SAMD5: variants seen among roughly 807,000 people sequenced by gnomAD.
The protein encoded by SAMD5 is sterile alpha motif domain-containing protein 5.
A neutral mutation model predicts 11.3 loss-of-function variants in SAMD5; 13 were observed. The ratio of observed to expected loss-of-function variants is 1.15; its 90% confidence interval spans 0.75 to 1.83. The LOEUF (loss-of-function observed/expected upper bound fraction) is 1.83, where lower values mean the gene tolerates loss of function less well. SAMD5 is among the 40% of genes most tolerant of loss of function. The pLI, the probability that SAMD5 is intolerant of heterozygous loss-of-function variation, is 0.00. For synonymous variants in SAMD5, 129 were observed against 111.3 expected (o/e 1.16, Z -1.00); for missense variants, 255 against 239.1 (o/e 1.07, Z -0.44).
chr6:147,928,225 A>G, the SAMD5 span, among the ~76,000 whole-genome samples: 1 of 152,142 alleles, frequency 6.6e-6, no homozygotes, highest in African/African-American at 2.4e-5. Context: ...AAATAGTTTC[A>G]GTATTAATGG....
intron 1 of SAMD5, among the ~76,000 whole-genome samples, chr6:147,597,228 C>T (rs1789545368): frequency 6.6e-6 from 1 of 152,158 alleles, no homozygotes; most frequent in Non-Finnish European, 1.5e-5. Flanking sequence ...ATTAAATTCT[C>T]TCCTAAGAGT....
chr6:147,856,376 C>T, the SAMD5 span, among the ~76,000 whole-genome samples: 1 of 152,062 alleles, frequency 6.6e-6, no homozygotes, highest in African/African-American at 2.4e-5. Flanking sequence ...AATTGTGGCA[C>T]TAATTTCATG....
intron 1 of SAMD5, among the ~76,000 whole-genome samples, chr6:147,548,547 T>C (rs1788720534): frequency 6.6e-6 from 1 of 152,246 alleles, no homozygotes; most frequent in Non-Finnish European, 1.5e-5. Context: ...AATTCGTTTG[T>C]GATTCTGAGA....
the SAMD5 span, among the ~76,000 whole-genome samples, chr6:147,937,885 T>C: frequency 3.3e-5 from 5 of 152,198 alleles, no homozygotes; most frequent in African/African-American, 7.2e-5. Flanking sequence ...ATCACACACA[T>C]ATATATATAC....
Position 147,711,771 on chromosome 6 carries a change from T to G in SAMD5, c.163-25546T>G, listed in dbSNP as rs1464699007. ...AAATATGTTTGTGTTGTGAGTTCCT[T>G]ACATCATGGAGTGTCATGTGCGTAA... On this transcript the variant is annotated intron_variant, in intron 1 of 1. Coordinates refer to the SAMD5 transcript ENST00000566741. The surrounding 1 kb of genome is among the most constrained non-coding windows in gnomAD (Gnocchi z 4.1). Among the ~76,000 whole-genome samples the G allele has an allele frequency of 1.3e-5, 2 of 152,216 alleles. No homozygotes were observed. The highest frequency in any genetic ancestry group is 4.8e-5 in the African/African-American group (2 of 41,448).
At chr6:147,948,363 T>C in the SAMD5 span, among the ~76,000 whole-genome samples, 1 of 152,162 alleles carries the variant, frequency 6.6e-6, no homozygotes, top group Non-Finnish European at 1.5e-5. Flanking sequence ...TTGTTTCTTA[T>C]AATAGTGGAC....
chr6:147,869,693 AATT>A, the SAMD5 span, among the ~76,000 whole-genome samples: 1 of 151,822 alleles, frequency 6.6e-6, no homozygotes, highest in Non-Finnish European at 1.5e-5. Context: ...TAATCAATAT[AATT>A]ATTATTATTA....
chr6:147,596,673 A>G (rs1164853609), intron 1 of SAMD5, among the ~76,000 whole-genome samples: 1 of 152,246 alleles, frequency 6.6e-6, no homozygotes, highest in Non-Finnish European at 1.5e-5. Flanking sequence ...AATGATAAAC[A>G]TCACTTAGAT....
intron 1 of SAMD5, among the ~76,000 whole-genome samples, chr6:147,557,142 T>C (rs939400418): frequency 4.6e-5 from 7 of 152,324 alleles, no homozygotes; most frequent in Admixed American, 2.0e-4. Flanking sequence ...ATTTATTGAA[T>C]AGGAAGAAGT....
At chr6:147,636,008 A>G (rs919395470) in intron 1 of SAMD5, among the ~76,000 whole-genome samples, 1 of 152,224 alleles carries the variant, frequency 6.6e-6, no homozygotes, top group Non-Finnish European at 1.5e-5. Flanking sequence ...TTCATTTAGC[A>G]GTTGATTCAA....
At chr6:147,835,077 C>T in the SAMD5 span, among the ~76,000 whole-genome samples, 2 of 151,644 alleles carry the variant, frequency 1.3e-5, no homozygotes, top group Non-Finnish European at 1.5e-5. Flanking sequence ...CTAAAAAATA[C>T]AAAAAATTAG....
chr6:147,509,563 T>C (rs1338472623), intron 1 of SAMD5, among the ~76,000 whole-genome samples, 176 bp downstream of exon 1: 2 of 152,128 alleles, frequency 1.3e-5, no homozygotes, highest in Non-Finnish European at 2.9e-5. Context: ...TCGTCCTTCC[T>C]GGTGTCTCCA....
rs1168153256 is a variant in SAMD5, at chr6:147,608,064, A to G, written c.162+98677A>G. 4.6e-5 allele frequency among the ~76,000 whole-genome samples: 7 copies of G among 152,248 alleles called. No homozygotes were observed. In the South Asian group the frequency reaches 1.4e-3, roughly 32 times the overall value. On this transcript the variant is annotated intron_variant, in intron 1 of 1. Coordinates refer to the SAMD5 transcript ENST00000566741. ...CTTAACATCACTGATCATCAGAGAA[A>G]TGCAAATCAAAACTATAATGAGATA...
At chr6:147,655,751 A>AC (rs1349629166) in intron 1 of SAMD5, among the ~76,000 whole-genome samples, 1 of 152,224 alleles carries the variant, frequency 6.6e-6, no homozygotes, top group Non-Finnish European at 1.5e-5. Context: ...TTCTAGTTAC[A>AC]AAGCTGTTTT....
chr6:147,857,564 T>G, the SAMD5 span, among the ~76,000 whole-genome samples: 1 of 151,884 alleles, frequency 6.6e-6, no homozygotes, highest in East Asian at 1.9e-4. Context: ...GTGCATTTTA[T>G]GCATTAAATT....
At chr6:147,762,897 T>A in the SAMD5 span, among the ~76,000 whole-genome samples, 5 of 152,212 alleles carry the variant, frequency 3.3e-5, no homozygotes, top group East Asian at 3.9e-4. Context: ...GCAGTTTTTT[T>A]ATAAACTATT....
chr6:147,674,648 T>C (rs1790839252), intron 1 of SAMD5, among the ~76,000 whole-genome samples: 1 of 152,194 alleles, frequency 6.6e-6, no homozygotes, highest in African/African-American at 2.4e-5. Flanking sequence ...TTGGAGTGGA[T>C]TGGAGTGGAT....
chr6:147,630,255 T>C (rs1376323240), intron 1 of SAMD5, among the ~76,000 whole-genome samples: 1 of 152,096 alleles, frequency 6.6e-6, no homozygotes, highest in African/African-American at 2.4e-5. Context: ...AGCCAGGTTT[T>C]CTTAAGAGGA....
intron 1 of SAMD5, among the ~76,000 whole-genome samples, chr6:147,591,164 C>A (rs1789448109): frequency 6.6e-6 from 1 of 150,606 alleles, no homozygotes; most frequent in Non-Finnish European, 1.5e-5. Context: ...AAAAAAAACC[C>A]AAGATGGGGA....
Sources: allele counts gnomAD v4.1 joint callset (sites outside exome capture counted in the v4.1 genomes callset), GRCh38; gene constraint gnomAD v4.1.1; non-coding constraint Gnocchi (gnomAD v3.1); transcripts MANE v1.5; gene names NCBI Gene and HGNC (gene_info 2026-07-23, HGNC 2026-07-21).